Variants in ITGA8 observed in about 807,000 individuals in gnomAD.
The protein encoded by ITGA8 is integrin alpha-8.
In ITGA8, 91 loss-of-function variants were observed where a neutral mutation model predicts 142.3. The ratio of observed to expected loss-of-function variants is 0.64; its 90% CI spans 0.54 to 0.76. The LOEUF (loss-of-function observed/expected upper bound fraction) is 0.76. Among genes scored for constraint, ITGA8 ranks in the 30% least tolerant of loss-of-function variants. The pLI is 0.00. For synonymous variants in ITGA8, 505 were observed against 485.2 expected (o/e 1.04, Z -0.54); for missense variants, 1,406 against 1,327.7 (o/e 1.06, Z -0.92).
intron 8 of ITGA8, among the ~76,000 whole-genome samples, chr10:15,670,945 C>G (rs1370516763): frequency 6.6e-6 from 1 of 152,194 alleles, no homozygotes; most frequent in Admixed American, 6.5e-5. Flanking sequence ...CTTTGTCTGT[C>G]TGACCCCCCA....
In ITGA8 at chr10:15,606,376, A is replaced by C. The variant is rs538991673; in HGVS notation, c.1811T>G (p.Leu604Trp). ...RDKLSPINIS[L>W]NYSLDESTFK... Reference sequence around the variant, plus strand: ...GGTGGATTCGTCCAAACTGTAATTCAAACTAATGTTGATTGGAGATAATTT... The same window carrying C: ...GGTGGATTCGTCCAAACTGTAATTCCAACTAATGTTGATTGGAGATAATTT... The change falls in exon 18 of 30, where the codon TTG becomes TGG. Residue 604 changes from leucine (L) to tryptophan (W), a missense_variant. Coordinates refer to ENST00000378076, the MANE Select transcript of ITGA8 (RefSeq NM_003638.3). 1.2e-6 allele frequency: 2 copies of C among 1,609,328 alleles called. No individual in the cohort carries two copies. Among genetic ancestry groups the C allele is most frequent in the South Asian group, 1.1e-5 (1 of 90,742 alleles).
Position 15,644,037 on chromosome 10 carries a change from A to G in ITGA8, c.1392T>C (p.Asp464=). ...AAAGAAAGAAAACCTTACCTGGGTA[A>G]TCATTCTTGTCTATGTCTGAATCTC... The part of the protein sequence containing the change: ...LRGDSDIDKN[D]YPDLIVGAFG... The change falls in exon 13 of 30, where the codon GAT becomes GAC. Residue 464 remains aspartate, a synonymous_variant. Coordinates refer to ENST00000378076, the MANE Select transcript of ITGA8 (RefSeq NM_003638.3). 1 of 1,611,674 alleles carries G rather than the reference A, an allele frequency of 6.2e-7. No individual in the cohort carries two copies. The highest frequency in any genetic ancestry group is 1.1e-5 in the South Asian group (1 of 90,918).
At chr10:15,621,214 G>A (rs1833485065) in intron 13 of ITGA8, among the ~76,000 whole-genome samples, 1 of 151,238 alleles carries the variant, frequency 6.6e-6, no homozygotes, top group South Asian at 2.1e-4. Context: ...TTAAAATTGG[G>A]TCTTTCCTTT....
intron 25 of ITGA8, among the ~76,000 whole-genome samples, chr10:15,563,613 G>A (rs1202922945): frequency 1.3e-5 from 2 of 152,136 alleles, no homozygotes; most frequent in Non-Finnish European, 2.9e-5. Context: ...TAGTGGTGGT[G>A]CTAAAACAAT....
At chr10:15,572,516 A>G in intron 24 of ITGA8, 147 bp from the exon 25 acceptor site, 1 of 691,540 alleles carries the variant, frequency 1.4e-6, no homozygotes, top group Non-Finnish European at 2.3e-6. Flanking sequence ...AGAAAATTCA[A>G]AGTCGATATG....
At chr10:15,684,980 A>C (rs1834809617) in intron 3 of ITGA8, among the ~76,000 whole-genome samples, 1 of 152,162 alleles carries the variant, frequency 6.6e-6, no homozygotes, top group African/African-American at 2.4e-5. Context: ...TTTCATCTGG[A>C]CGCACTTCTC....
intron 6 of ITGA8, among the ~76,000 whole-genome samples, chr10:15,674,772 T>C (rs1037627306): frequency 6.6e-6 from 1 of 151,986 alleles, no homozygotes. Flanking sequence ...TGAAACCCTG[T>C]CTACTAAAAA....
chr10:15,687,502 C>T (rs1404515610), intron 3 of ITGA8, among the ~76,000 whole-genome samples: 3 of 151,890 alleles, frequency 2.0e-5, no homozygotes, highest in Admixed American at 6.6e-5. Flanking sequence ...TGCAGTTAGC[C>T]GTTTAAAAAT....
At chr10:15,672,545 G>C (rs1700308234) in intron 7 of ITGA8, 79 bp downstream of exon 7, 1 of 1,474,738 alleles carries the variant, frequency 6.8e-7, no homozygotes, top group Middle Eastern at 1.9e-4. Flanking sequence ...CATCGGATAA[G>C]TCAGGGATAA....
intron 20 of ITGA8, among the ~76,000 whole-genome samples, chr10:15,599,993 T>G (rs1024767353): frequency 6.6e-6 from 1 of 152,232 alleles, no homozygotes; most frequent in African/African-American, 2.4e-5. Context: ...TGAACTTGCT[T>G]CGGCTACATA....
intron 20 of ITGA8, among the ~76,000 whole-genome samples, chr10:15,599,645 A>T (rs1476671062): frequency 6.6e-6 from 1 of 152,032 alleles, no homozygotes; most frequent in Non-Finnish European, 1.5e-5. Context: ...GGCCCAGCAG[A>T]CATGGTGGCT....
intron 27 of ITGA8, among the ~76,000 whole-genome samples, chr10:15,536,013 C>T (rs970586841): frequency 1.3e-5 from 2 of 151,962 alleles, no homozygotes; most frequent in Non-Finnish European, 2.9e-5. Context: ...TCCGCAGCTT[C>T]ACTCCTGAGC....
At chr10:15,636,307 CCT>C (rs978485991) in intron 13 of ITGA8, among the ~76,000 whole-genome samples, 3 of 152,220 alleles carry the variant, frequency 2.0e-5, no homozygotes, top group Non-Finnish European at 4.4e-5. Context: ...GCAAGACACT[CCT>C]CTGGTCAATC....
At chr10:15,664,867 A>G (rs1834357733) in intron 8 of ITGA8, among the ~76,000 whole-genome samples, 1 of 152,126 alleles carries the variant, frequency 6.6e-6, no homozygotes, top group Non-Finnish European at 1.5e-5. Flanking sequence ...ATGGCTGCAT[A>G]GTATTCCATG....
chr10:15,651,451 A>C (rs1264011763), intron 11 of ITGA8, among the ~76,000 whole-genome samples: 2 of 152,110 alleles, frequency 1.3e-5, no homozygotes, highest in African/African-American at 4.8e-5. Flanking sequence ...AGTCCACTCA[A>C]TCGTACTTGG....
chr10:15,540,099 C>T (rs1777728216), intron 27 of ITGA8, among the ~76,000 whole-genome samples: 1 of 152,080 alleles, frequency 6.6e-6, no homozygotes, highest in South Asian at 2.1e-4. Flanking sequence ...TGTAAATTAC[C>T]CAGTCTCAGG....
In ITGA8 at chr10:15,683,726, A is replaced by T. The variant is rs116163755; in HGVS notation, c.568+278T>A. Among the ~76,000 whole-genome samples the T allele has an allele frequency of 6.7e-3, 1,016 of 152,372 alleles. 8 individuals carry two copies. The highest frequency in any genetic ancestry group is 0.023 in the African/African-American group (953 of 41,586). ...CACGGAACGTGAATTTTGAACAGCAACTGACACCTTATGGCCTAAAATAAG... is the reference window on the plus strand; with the variant it reads ...CACGGAACGTGAATTTTGAACAGCATCTGACACCTTATGGCCTAAAATAAG... On this transcript the variant is annotated intron_variant, in intron 4 of 29. Transcript: ENST00000378076.
Position 15,592,224 on chromosome 10 carries a change from CCTT to C in ITGA8, c.2289_2291del (p.Arg763del). 4.3e-6 allele frequency: 7 copies of C among 1,610,508 alleles called. No homozygotes were observed. Among genetic ancestry groups the C allele is most frequent in the Non-Finnish European group, 5.1e-6 (6 of 1,176,932 alleles). ...ACGATATAGGCATGTAAAGGTCTAA[CCTT>C]CTGATTTGGAGATCGAAGTTAATGC... On this transcript the variant is annotated inframe_deletion and splice_region_variant, in exon 22 of 30. Transcript: ENST00000378076.
At chr10:15,713,429 C>T (rs1421129941) in intron 2 of ITGA8, among the ~76,000 whole-genome samples, 2 of 152,186 alleles carry the variant, frequency 1.3e-5, no homozygotes, top group African/African-American at 2.4e-5. Context: ...TCTTCCCCCA[C>T]CTTTGTAATC....
Sources: allele counts gnomAD v4.1 joint callset (sites outside exome capture counted in the v4.1 genomes callset), GRCh38; gene constraint gnomAD v4.1.1; transcripts MANE v1.5; gene names NCBI Gene and HGNC (gene_info 2026-07-23, HGNC 2026-07-21).